NGEF: variants seen among roughly 807,000 people sequenced by gnomAD.
The protein encoded by NGEF is ephexin-1.
NGEF carries 31 observed loss-of-function variants against 80.9 expected under a neutral mutation model. The observed-to-expected ratio is 0.38, with a 90% CI of 0.29 to 0.52. The LOEUF (loss-of-function observed/expected upper bound fraction) is 0.52, where lower values mean the gene tolerates loss of function less well. Among genes scored for constraint, NGEF ranks in the 20% least tolerant of loss-of-function variants. The probability of loss-of-function intolerance (pLI) is 0.84; values close to 1 mark genes in which losing one functional copy is unlikely to be tolerated. For synonymous variants in NGEF, 371 were observed against 370.2 expected (o/e 1.00, Z -0.03); for missense variants, 709 against 926.2 (o/e 0.77, Z 3.04).
intron 1 of NGEF, among the ~76,000 whole-genome samples, chr2:232,997,875 C>G (rs567111136): frequency 1.3e-5 from 2 of 152,178 alleles, no homozygotes; most frequent in Non-Finnish European, 2.9e-5. Context: ...CTGGCGTCAC[C>G]GAGCGTTACC....
Position 232,965,186 on chromosome 2 carries a change from T to A in NGEF, c.383+5028A>T, listed in dbSNP as rs373727204. Among the ~76,000 whole-genome samples, 10 of 152,340 alleles carry A rather than the reference T, an allele frequency of 6.6e-5. No individual in the cohort carries two copies. In the East Asian group the frequency reaches 1.7e-3, roughly 26 times the overall value. On this transcript the variant is annotated intron_variant, in intron 3 of 14. Transcript: ENST00000264051. ...AATTGTTACCAGTCTTTGTGCCATG[T>A]AGAGGTTTTTGTTGTTGCCGTTGCT...
At chr2:232,893,788 AAAG>A (rs1691966591) in intron 6 of NGEF, among the ~76,000 whole-genome samples, 1 of 152,172 alleles carries the variant, frequency 6.6e-6, no homozygotes, top group South Asian at 2.1e-4. Context: ...AAAAAATAAA[AAAG>A]AAGTGCCGCA....
intron 5 of NGEF, among the ~76,000 whole-genome samples, chr2:232,909,729 C>A (rs1445800138): frequency 2.0e-5 from 3 of 152,128 alleles, no homozygotes; most frequent in Non-Finnish European, 2.9e-5. Context: ...ACGCTCCCCC[C>A]ACACCTAACC....
chr2:232,993,390 G>T (rs994181425), intron 1 of NGEF, among the ~76,000 whole-genome samples: 1 of 151,390 alleles, frequency 6.6e-6, no homozygotes, highest in Admixed American at 6.6e-5. Flanking sequence ...ACTCACTAGG[G>T]TGGCTGTTAA....
chr2:232,891,495 C>T lies in NGEF; in HGVS notation c.1143-8G>A, dbSNP rs754784768. 1.9e-6 allele frequency: 3 copies of T among 1,611,190 alleles called. No individual in the cohort carries two copies. Among genetic ancestry groups the T allele is most frequent in the Admixed American group, 3.3e-5 (2 of 59,906 alleles). ...AAAGCTGCCTTCTCCTGGCTGGGGA[C>T]ACAGACAGGTGGAGTAGGTCTCTGA... On this transcript the variant is annotated splice_region_variant and splice_polypyrimidine_tract_variant and intron_variant, in intron 7 of 14. Transcript: ENST00000264051.
At chr2:232,954,373 C>G (rs1361367541) in intron 3 of NGEF, among the ~76,000 whole-genome samples, 1 of 152,018 alleles carries the variant, frequency 6.6e-6, no homozygotes, top group African/African-American at 2.4e-5. Context: ...GGATAAGTTG[C>G]CAGAAAATGA....
intron 7 of NGEF, among the ~76,000 whole-genome samples, chr2:232,891,799 CTG>C (rs931456977): frequency 6.6e-6 from 1 of 152,188 alleles, no homozygotes; most frequent in African/African-American, 2.4e-5. Context: ...CAGCGGGAAA[CTG>C]TGGCAAGGTA....
intron 10 of NGEF, 54 bp from the exon 11 acceptor site, chr2:232,884,198 G>A: frequency 6.7e-7 from 1 of 1,495,344 alleles, no homozygotes; most frequent in Non-Finnish European, 8.9e-7. Context: ...CCCTCCCCAG[G>A]ACATGCCCCC....
intron 3 of NGEF, among the ~76,000 whole-genome samples, chr2:232,929,576 C>T (rs1013619812): frequency 6.6e-6 from 1 of 152,174 alleles, no homozygotes; most frequent in African/African-American, 2.4e-5. Context: ...GCCCTTAAGG[C>T]CTGAGAATAT....
chr2:232,965,373 G>C (rs60115558), intron 3 of NGEF, among the ~76,000 whole-genome samples: 58,357 of 152,066 alleles, frequency 0.38, 12,985 homozygotes, highest in African/African-American at 0.6. Context: ...CTGAACCAGA[G>C]ATGCTCAAAA....
intron 3 of NGEF, among the ~76,000 whole-genome samples, chr2:232,930,325 TC>T (rs1466663417): frequency 1.7e-4 from 22 of 130,496 alleles, no homozygotes; most frequent in African/African-American, 4.9e-4. Flanking sequence ...TCTCTCTCTC[TC>T]TTTTTTTTTT....
chr2:232,947,880 G>A (rs1012925680), intron 3 of NGEF, among the ~76,000 whole-genome samples: 1 of 151,992 alleles, frequency 6.6e-6, no homozygotes, highest in Non-Finnish European at 1.5e-5. Context: ...TTGATTACAG[G>A]AATCTAAAGA....
chr2:233,011,452 G>A (rs973481481), intron 1 of NGEF, among the ~76,000 whole-genome samples: 58 of 152,060 alleles, frequency 3.8e-4, no homozygotes, highest in African/African-American at 4.8e-5. Context: ...TGCGCCCCTG[G>A]TAGAGCCAGC....
intron 5 of NGEF, among the ~76,000 whole-genome samples, chr2:232,916,724 T>C (rs1209108861): frequency 1.3e-5 from 2 of 152,236 alleles, no homozygotes; most frequent in African/African-American, 4.8e-5. Flanking sequence ...AAATGGCCGC[T>C]CTTGCACTGC....
intron 5 of NGEF, among the ~76,000 whole-genome samples, chr2:232,915,974 A>G (rs1230992253): frequency 6.6e-6 from 1 of 152,220 alleles, no homozygotes; most frequent in Non-Finnish European, 1.5e-5. Context: ...TACAGGCAAG[A>G]GCCTCTGTGC....
intron 3 of NGEF, among the ~76,000 whole-genome samples, chr2:232,960,951 A>C (rs1693938862): frequency 6.6e-6 from 1 of 152,138 alleles, no homozygotes; most frequent in African/African-American, 2.4e-5. Flanking sequence ...TGACATATGT[A>C]AGTTGGCTTC....
chr2:233,012,603 T>A, intron 1 of NGEF: 1 of 324,610 alleles, frequency 3.1e-6, no homozygotes. Context: ...ACATATACGC[T>A]CATTATCAGG....
intron 1 of NGEF, among the ~76,000 whole-genome samples, chr2:232,998,786 G>A (rs1354291253): frequency 6.6e-6 from 1 of 152,110 alleles, no homozygotes; most frequent in Non-Finnish European, 1.5e-5. Context: ...CTAGGAAGGT[G>A]TTCCCTCCCA....
intron 5 of NGEF, among the ~76,000 whole-genome samples, chr2:232,916,072 C>A (rs1388578638): frequency 6.6e-6 from 1 of 152,188 alleles, no homozygotes; most frequent in Non-Finnish European, 1.5e-5. Context: ...TGGGAACAGC[C>A]TTTCTAATCA....
Sources: allele counts gnomAD v4.1 joint callset (sites outside exome capture counted in the v4.1 genomes callset), GRCh38; gene constraint gnomAD v4.1.1; transcripts MANE v1.5; gene names NCBI Gene and HGNC (gene_info 2026-07-23, HGNC 2026-07-21).